IL1RAPL1: variants seen among roughly 807,000 people sequenced by gnomAD.
The protein encoded by IL1RAPL1 is interleukin-1 receptor accessory protein-like 1.
IL1RAPL1 carries 3 observed loss-of-function variants against 48.4 expected under a neutral mutation model. The observed-to-expected ratio is 0.06, with a 90% CI of 0.03 to 0.16. The LOEUF (loss-of-function observed/expected upper bound fraction) is 0.16. Ranked by LOEUF, IL1RAPL1 falls within the 10% of genes least tolerant of loss-of-function variation. The pLI is 1.00. For synonymous variants in IL1RAPL1, 185 were observed against 187.7 expected (o/e 0.99, Z 0.12); for missense variants, 349 against 530.6 (o/e 0.66, Z 3.36).
At chrX:29,921,863 A>G (rs1246361912) in intron 8 of IL1RAPL1, among the ~76,000 whole-genome samples, 1 of 112,173 alleles carries the variant, frequency 8.9e-6, no homozygotes, top group Admixed American at 9.5e-5. Flanking sequence ...TGAGTCTCTG[A>G]ACCTTTACTT....
At chrX:29,759,935 G>A (rs1928715437) in intron 6 of IL1RAPL1, among the ~76,000 whole-genome samples, 1 of 111,528 alleles carries the variant, frequency 9.0e-6, no homozygotes, top group Non-Finnish European at 1.9e-5. Context: ...AAATGACTCT[G>A]TTTCTAGACT....
chrX:28,623,157 T>C (rs1385636647), intron 1 of IL1RAPL1, among the ~76,000 whole-genome samples: 1 of 110,820 alleles, frequency 9.0e-6, no homozygotes, highest in African/African-American at 3.3e-5. Flanking sequence ...GTGGCACTTA[T>C]GCTAAAGTTA....
At chrX:28,956,668 A>G (rs1924619097) in intron 2 of IL1RAPL1, among the ~76,000 whole-genome samples, 1 of 106,135 alleles carries the variant, frequency 9.4e-6, no homozygotes, top group African/African-American at 3.4e-5. Flanking sequence ...GTTTGCCAGT[A>G]TTTTATTGAG....
At chrX:28,622,913 G>T (rs920158049) in intron 1 of IL1RAPL1, among the ~76,000 whole-genome samples, 1 of 111,548 alleles carries the variant, frequency 9.0e-6, no homozygotes, top group Non-Finnish European at 1.9e-5. Context: ...CTGCTGTGTA[G>T]TGGGTTCATA....
chrX:29,811,110 A>C, intron 6 of IL1RAPL1, among the ~76,000 whole-genome samples: 1 of 110,261 alleles, frequency 9.1e-6, no homozygotes. Context: ...TAGGAAATAC[A>C]GTCTAACGTA....
At chrX:29,225,448 C>T (rs909259861) in intron 2 of IL1RAPL1, among the ~76,000 whole-genome samples, 16 of 111,830 alleles carry the variant, frequency 1.4e-4, no homozygotes, top group African/African-American at 2.0e-4. Context: ...ACCTGAGGAT[C>T]TTGTTAAACT....
chrX:28,767,754 T>C (rs1354901750), intron 1 of IL1RAPL1, among the ~76,000 whole-genome samples: 2 of 110,468 alleles, frequency 1.8e-5, no homozygotes, highest in African/African-American at 6.6e-5. Flanking sequence ...TGCATGCACA[T>C]GTGTGTTCAT....
At chrX:28,812,475 CTTG>C (rs1340868470) in intron 2 of IL1RAPL1, among the ~76,000 whole-genome samples, 3 of 110,017 alleles carry the variant, frequency 2.7e-5, no homozygotes, top group Non-Finnish European at 5.7e-5. Context: ...TGATTTTTTG[CTTG>C]TTGTAATTAA....
chrX:29,489,744 A>G (rs1053689935), intron 5 of IL1RAPL1, among the ~76,000 whole-genome samples: 2 of 111,965 alleles, frequency 1.8e-5, no homozygotes, highest in Non-Finnish European at 3.8e-5. Context: ...CCAACATCTT[A>G]TAGTTAAAAT....
At chrX:29,368,147 A>G (rs897446891) in intron 3 of IL1RAPL1, among the ~76,000 whole-genome samples, 4 of 111,562 alleles carry the variant, frequency 3.6e-5, no homozygotes, top group African/African-American at 1.3e-4. Flanking sequence ...GAAACAATAC[A>G]GTGTAACAAC....
chrX:29,064,960 T>C (rs748133262), intron 2 of IL1RAPL1, among the ~76,000 whole-genome samples: 3 of 111,888 alleles, frequency 2.7e-5, no homozygotes, highest in Non-Finnish European at 3.8e-5. Flanking sequence ...TATTTGCTCC[T>C]GAGGATATGA....
At chrX:29,350,828 T>C (rs1308786677) in intron 3 of IL1RAPL1, among the ~76,000 whole-genome samples, 2 of 111,887 alleles carry the variant, frequency 1.8e-5, no homozygotes, top group African/African-American at 3.2e-5. Flanking sequence ...CGTTGGTCTT[T>C]AGAAGTTTTG....
chrX:29,413,155 C>T (rs1934166597), intron 5 of IL1RAPL1, among the ~76,000 whole-genome samples: 1 of 110,879 alleles, frequency 9.0e-6, no homozygotes, highest in Admixed American at 9.6e-5. Context: ...CCCCTGCACA[C>T]GCTCTCTTGC....
chrX:29,709,052 A>G (rs1332494789), intron 6 of IL1RAPL1, among the ~76,000 whole-genome samples: 1 of 111,715 alleles, frequency 9.0e-6, no homozygotes, highest in Non-Finnish European at 1.9e-5. Context: ...CTTTGTCCAT[A>G]TTTTAATTGG....
chrX:29,234,108 G>T (rs749864970), intron 2 of IL1RAPL1, among the ~76,000 whole-genome samples: 1 of 112,081 alleles, frequency 8.9e-6, no homozygotes, highest in African/African-American at 3.2e-5. Flanking sequence ...ATACTGCTTC[G>T]TGAGACTCGG....
intron 3 of IL1RAPL1, among the ~76,000 whole-genome samples, chrX:29,395,304 G>T (rs1933907607): frequency 8.9e-6 from 1 of 111,914 alleles, no homozygotes; most frequent in South Asian, 3.7e-4. Flanking sequence ...CAAATGGGAA[G>T]TTCTAAAGCA....
intron 5 of IL1RAPL1, among the ~76,000 whole-genome samples, chrX:29,620,322 C>G (rs1277903533): frequency 9.0e-6 from 1 of 111,686 alleles, no homozygotes; most frequent in Non-Finnish European, 1.9e-5. Flanking sequence ...TGTACTTACA[C>G]AAACCTATAT....
intron 2 of IL1RAPL1, among the ~76,000 whole-genome samples, chrX:28,926,396 G>A (rs1035263465): frequency 1.4e-4 from 16 of 110,350 alleles, no homozygotes; most frequent in African/African-American, 4.0e-4. Flanking sequence ...TTTAGGTGTT[G>A]TATTTTCTGA....
At chrX:29,909,746 T>C (rs1932725675) in intron 6 of IL1RAPL1, among the ~76,000 whole-genome samples, 1 of 109,768 alleles carries the variant, frequency 9.1e-6, no homozygotes, top group Admixed American at 9.6e-5. Flanking sequence ...AGTGCTATGA[T>C]TAAAAAGTCA....
Sources: allele counts gnomAD v4.1 joint callset (sites outside exome capture counted in the v4.1 genomes callset), GRCh38; gene constraint gnomAD v4.1.1; transcripts MANE v1.5; gene names NCBI Gene and HGNC (gene_info 2026-07-23, HGNC 2026-07-21).